Variants in EIF4A3 observed in about 807,000 individuals in gnomAD.
EIF4A3 encodes eukaryotic translation initiation factor 4A3.
Under a neutral mutation model 55.6 loss-of-function variants are expected in EIF4A3, and 1 was observed. The observed-to-expected ratio is 0.02, with a 90% CI of 0.01 to 0.09. The LOEUF (loss-of-function observed/expected upper bound fraction) is 0.09, where lower values mean the gene tolerates loss of function less well. Among genes scored for constraint, EIF4A3 ranks in the 10% least tolerant of loss-of-function variants. The pLI is 1.00. For synonymous variants in EIF4A3, 194 were observed against 196.3 expected (o/e 0.99, Z 0.10); for missense variants, 221 against 540.7 (o/e 0.41, Z 5.86).
chr17:80,145,564 A>C (rs2039652663), intron 1 of EIF4A3, among the ~76,000 whole-genome samples: 1 of 152,188 alleles, frequency 6.6e-6, no homozygotes, highest in Non-Finnish European at 1.5e-5. Context: ...GACTGTCAGA[A>C]GGAAAAGGAA....
At chr17:80,139,202 G>T (rs371370527) in intron 6 of EIF4A3, 40 bp from the exon 7 acceptor site, 2 of 1,608,216 alleles carry the variant, frequency 1.2e-6, no homozygotes, top group African/African-American at 2.7e-5. Context: ...TGTTTAGGGC[G>T]GCACACCCAG....
intron 1 of EIF4A3, among the ~76,000 whole-genome samples, chr17:80,145,503 G>C (rs8067991): frequency 0.26 from 39,037 of 152,042 alleles, 5,160 homozygotes; most frequent in East Asian, 0.35. Context: ...AGTGGAAGTT[G>C]CAATAAGCTG....
At chr17:80,138,471 A>T (rs2039591463) in intron 7 of EIF4A3, 191 bp from the exon 8 acceptor site, 4 of 587,720 alleles carry the variant, frequency 6.8e-6, no homozygotes, top group Non-Finnish European at 1.2e-5. Context: ...TCTGTATCCT[A>T]CTTAACATTT....
At chr17:80,146,659 C>T (rs2039666087) in intron 1 of EIF4A3, 134 bp downstream of exon 1, 1 of 1,106,558 alleles carries the variant, frequency 9.0e-7, no homozygotes, top group African/African-American at 1.7e-5. Flanking sequence ...TCGGACGTCA[C>T]TGGCCCCCGA....
At chr17:80,146,772 C>T (rs1567852013) in intron 1 of EIF4A3, 21 bp downstream of exon 1, 15 of 1,600,464 alleles carry the variant, frequency 9.4e-6, no homozygotes, top group Non-Finnish European at 1.1e-5. Context: ...CGGCTGGCCC[C>T]CGCGGCCCGC....
Position 80,147,023 on chromosome 17 carries a change from CT to C in EIF4A3, c.-63del. ...TGCCGACCTCGCTGCCGCTGCCGAC[CT>C]CGCTGTGCCGCTGCCGACCTCGCTG... On this transcript the variant is annotated 5_prime_UTR_variant, in exon 1 of 12. Transcript: ENST00000649764. The C allele has an allele frequency of 7.1e-7, 1 of 1,408,108 alleles. No homozygotes were observed. Among genetic ancestry groups the C allele is most frequent in the South Asian group, 1.4e-5 (1 of 70,690 alleles). The allele number at this position is 1,408,108 out of a possible 1,614,324, so 87.2% of individuals were successfully genotyped here.
chr17:80,143,836 C>T (rs572939578), intron 2 of EIF4A3, among the ~76,000 whole-genome samples: 157 of 152,048 alleles, frequency 1.0e-3, no homozygotes, highest in African/African-American at 3.6e-3. Context: ...GAAAATTAGT[C>T]GGGCATGGTG....
chr17:80,140,549 T>C (rs2039609821), intron 4 of EIF4A3: 1 of 157,078 alleles, frequency 6.4e-6, no homozygotes, highest in African/African-American at 2.4e-5. Flanking sequence ...GTGCACCCTA[T>C]ATGTGTATTC....
Position 80,134,440 on chromosome 17 carries a change from A to G in EIF4A3, c.*1050T>C, listed in dbSNP as rs2039553554. Among the ~76,000 whole-genome samples, 1 of 152,132 alleles carries G rather than the reference A, an allele frequency of 6.6e-6. No individual in the cohort carries two copies. Among genetic ancestry groups the G allele is most frequent in the Admixed American group, 6.5e-5 (1 of 15,278 alleles). The stretch of plus-strand genomic sequence containing the variant: ...GATAATTATCTGTTTTAGTTTGTCA[A>G]CATTGTGGTAAGTCATGATCCTGCC... On this transcript the variant is annotated 3_prime_UTR_variant, in exon 12 of 12. Transcript: ENST00000649764.
At chr17:80,140,772 T>C (rs983537382) in intron 4 of EIF4A3, among the ~76,000 whole-genome samples, 1 of 152,200 alleles carries the variant, frequency 6.6e-6, no homozygotes, top group Non-Finnish European at 1.5e-5. Flanking sequence ...TACATCTTTA[T>C]ACTACGTTAA....
rs182859157 is a variant in EIF4A3, at chr17:80,135,151, A to G, written c.*339T>C. The stretch of plus-strand genomic sequence containing the variant: ...TGGGCAACAGAGGGAGACTGTCTCA[A>G]AAAAAAAAAAGAAAAAGAAAAGAAA... On this transcript the variant is annotated 3_prime_UTR_variant, in exon 12 of 12. Transcript: ENST00000649764. The G allele has an allele frequency of 1.9e-3, 361 of 194,656 alleles. 2 individuals carry two copies. Among genetic ancestry groups the G allele is most frequent in the African/African-American group, 8.0e-3 (342 of 42,698 alleles). 12.1% of individuals were successfully genotyped at this position (194,656 alleles called of 1,614,324 possible).
chr17:80,144,304 G>A, intron 1 of EIF4A3, 60 bp from the exon 2 acceptor site: 1 of 1,511,500 alleles, frequency 6.6e-7, no homozygotes, highest in Non-Finnish European at 9.2e-7. Flanking sequence ...ACCCTGTACT[G>A]TGAGCTCCTC....
intron 4 of EIF4A3, 121 bp from the exon 5 acceptor site, chr17:80,140,261 G>A (rs984001031): frequency 3.3e-5 from 40 of 1,200,206 alleles, no homozygotes; most frequent in Admixed American, 7.5e-5. Context: ...TTATTATCTC[G>A]AAACCACAAA....
At chr17:80,142,108 G>C (rs1230943572) in intron 2 of EIF4A3, among the ~76,000 whole-genome samples, 2 of 152,178 alleles carry the variant, frequency 1.3e-5, no homozygotes, top group Non-Finnish European at 2.9e-5. Flanking sequence ...GTGTTTCATA[G>C]GTGTCAGAAA....
In EIF4A3 at chr17:80,138,293, G is replaced by A; in HGVS notation, c.729-13C>T. On this transcript the variant is annotated splice_polypyrimidine_tract_variant and intron_variant, in intron 7 of 11. Transcript: ENST00000649764. ...AGTCAATTCATCACTGAAGGACAAA[G>A]ACAAATCCTGTTACATACTCATCCT... 1 of 1,613,302 alleles carries A rather than the reference G, an allele frequency of 6.2e-7. No individual in the cohort carries two copies. The highest frequency in any genetic ancestry group is 8.5e-7 in the Non-Finnish European group (1 of 1,179,914).
chr17:80,137,604 G>A (rs181217790), intron 8 of EIF4A3, 103 bp from the exon 9 acceptor site: 63 of 852,166 alleles, frequency 7.4e-5, no homozygotes, highest in African/African-American at 2.2e-4. Flanking sequence ...ATCAATATTC[G>A]TAAGGTAACT....
chr17:80,143,808 C>T (rs190077152), intron 2 of EIF4A3, among the ~76,000 whole-genome samples: 83 of 147,804 alleles, frequency 5.6e-4, no homozygotes, highest in Non-Finnish European at 1.1e-3. Flanking sequence ...GTGAAACCCC[C>T]GTCTCTACTA....
intron 9 of EIF4A3, 115 bp downstream of exon 9, chr17:80,137,271 A>T: frequency 1.1e-6 from 1 of 870,642 alleles, no homozygotes; most frequent in Non-Finnish European, 1.7e-6. Flanking sequence ...CAGCTTTCAG[A>T]GCAGAAGCTT....
chr17:80,139,307 C>T (rs1400213423), intron 6 of EIF4A3, 145 bp from the exon 7 acceptor site: 17 of 1,081,512 alleles, frequency 1.6e-5, no homozygotes, highest in Admixed American at 2.7e-5. Context: ...CAGCACCAGG[C>T]CACATCCACG....
Sources: allele counts gnomAD v4.1 joint callset (sites outside exome capture counted in the v4.1 genomes callset), GRCh38; gene constraint gnomAD v4.1.1; transcripts MANE v1.5; gene names NCBI Gene and HGNC (gene_info 2026-07-23, HGNC 2026-07-21).